Variants in CSMD3 observed in about 807,000 individuals in gnomAD.
The protein encoded by CSMD3 is CUB and sushi domain-containing protein 3.
CSMD3 carries 177 observed loss-of-function variants against 435.2 expected under a neutral mutation model. The observed-to-expected ratio is 0.41, with a 90% CI of 0.36 to 0.46. CSMD3 has a LOEUF of 0.46. Among genes scored for constraint, CSMD3 ranks in the 20% least tolerant of loss-of-function variants. The probability of loss-of-function intolerance (pLI) is 0.34; values close to 1 mark genes in which losing one functional copy is unlikely to be tolerated. For missense variants in CSMD3, 4,265 were observed against 4,504.6 expected (o/e 0.95, Z 1.52); for synonymous variants, 1,656 against 1,520.5 (o/e 1.09, Z -2.07).
intron 4 of CSMD3, among the ~76,000 whole-genome samples, chr8:113,133,435 G>T (rs761266905): frequency 5.3e-5 from 8 of 152,102 alleles, no homozygotes; most frequent in Non-Finnish European, 1.0e-4. Flanking sequence ...AATAACAAGT[G>T]TTGGCAAAAA....
intron 15 of CSMD3, among the ~76,000 whole-genome samples, 157 bp from the exon 16 acceptor site, chr8:112,682,793 G>C (rs2075930598): frequency 6.6e-6 from 1 of 152,144 alleles, no homozygotes; most frequent in Admixed American, 6.5e-5. Context: ...AAATTTGGAG[G>C]TTCTCCTCTG....
rs940979381 is a variant in CSMD3 at position 112,224,025 on chromosome 8, A to G, written c.*746T>C. The G allele has an allele frequency of 6.6e-6, 1 of 152,182 alleles. No homozygotes were observed. Among genetic ancestry groups the G allele is most frequent in the Non-Finnish European group, 1.5e-5 (1 of 68,020 alleles). 9.4% of individuals were successfully genotyped at this position (152,182 alleles called of 1,614,324 possible). On this transcript the variant is annotated 3_prime_UTR_variant, in exon 71 of 71. Coordinates refer to ENST00000297405, the MANE Select transcript of CSMD3 (RefSeq NM_198123.2). ...AAATAGGAAAAAACCATATTGAAGCAAGGAGTGAAACACTACCCCATAGCT... is the reference window on the plus strand; with the variant it reads ...AAATAGGAAAAAACCATATTGAAGCGAGGAGTGAAACACTACCCCATAGCT...
At chr8:113,409,141 T>C (rs771911858) in intron 1 of CSMD3, among the ~76,000 whole-genome samples, 26 of 141,140 alleles carry the variant, frequency 1.8e-4, no homozygotes, top group Non-Finnish European at 2.4e-4. Context: ...TGGAGTGCAG[T>C]GGTGGGATCT....
rs542611592 is a variant in CSMD3, at chr8:112,429,434, G to GAT, written c.5396-20404_5396-20403dup. ...TGGCATTGGGGACACAAGCAAAAAA[G>GAT]ATATATATATATAGTTCAAGGTTTC... is the stretch of plus-strand genomic sequence containing the variant. On this transcript the variant is annotated intron_variant, in intron 32 of 70. Transcript: ENST00000297405. Among the ~76,000 whole-genome samples the GAT allele has an allele frequency of 2.0e-3, 310 of 151,530 alleles. 6 individuals carry two copies. The East Asian group carries it at 0.042, about 20-fold the overall frequency.
chr8:112,272,978 A>G (rs1488077443), intron 59 of CSMD3, among the ~76,000 whole-genome samples: 3 of 152,190 alleles, frequency 2.0e-5, no homozygotes, highest in Admixed American at 6.5e-5. Context: ...ATAGCAATTC[A>G]TTGTTGAAAA....
chr8:112,442,941 T>A (rs866859124), intron 32 of CSMD3, among the ~76,000 whole-genome samples: 1 of 152,324 alleles, frequency 6.6e-6, no homozygotes, highest in South Asian at 2.1e-4. Flanking sequence ...GGAACTGTTA[T>A]ACAAGAGAAA....
chr8:112,969,667 A>T (rs968111424), intron 7 of CSMD3, among the ~76,000 whole-genome samples: 1 of 152,034 alleles, frequency 6.6e-6, no homozygotes, highest in Non-Finnish European at 1.5e-5. Context: ...CCAATAAAAA[A>T]TAATAATTAT....
intron 4 of CSMD3, among the ~76,000 whole-genome samples, chr8:113,162,551 G>T (rs892270371): frequency 7.1e-6 from 1 of 140,348 alleles, no homozygotes; most frequent in African/African-American, 2.7e-5. Context: ...GGCAACAAGA[G>T]TGAAACTCCG....
intron 13 of CSMD3, among the ~76,000 whole-genome samples, chr8:112,711,339 G>A (rs917713160): frequency 5.9e-5 from 9 of 151,894 alleles, no homozygotes; most frequent in Non-Finnish European, 1.2e-4. Flanking sequence ...TTAAACAAGC[G>A]CATTGCGATT....
At chr8:112,331,108 T>G (rs1382354912) in intron 45 of CSMD3, among the ~76,000 whole-genome samples, 3 of 152,060 alleles carry the variant, frequency 2.0e-5, no homozygotes, top group Non-Finnish European at 4.4e-5. Context: ...GCTCAGCATA[T>G]TAAATTTTCA....
At chr8:112,820,308 C>T (rs1338589257) in intron 12 of CSMD3, among the ~76,000 whole-genome samples, 10 of 152,060 alleles carry the variant, frequency 6.6e-5, no homozygotes, top group Admixed American at 1.3e-4. Context: ...GCTTGGTATG[C>T]TTACCCAGAA....
intron 12 of CSMD3, among the ~76,000 whole-genome samples, chr8:112,808,085 T>C (rs2079135602): frequency 6.6e-6 from 1 of 152,168 alleles, no homozygotes; most frequent in Non-Finnish European, 1.5e-5. Context: ...AAGAATTATT[T>C]ACAGTCTATT....
intron 59 of CSMD3, among the ~76,000 whole-genome samples, chr8:112,266,771 A>G (rs1586592860): frequency 6.6e-6 from 1 of 152,200 alleles, no homozygotes; most frequent in East Asian, 1.9e-4. Flanking sequence ...AAACACTACA[A>G]AGATTATATA....
At chr8:112,628,471 G>T (rs1483771494) in intron 22 of CSMD3, among the ~76,000 whole-genome samples, 2 of 152,052 alleles carry the variant, frequency 1.3e-5, no homozygotes, top group Admixed American at 6.6e-5. Context: ...CACAGCAAAT[G>T]CATTATAGAC....
chr8:112,458,603 AGCGTTCTAGGCAAAAGGCCAAGACT>A (rs1421705104), intron 32 of CSMD3, among the ~76,000 whole-genome samples: 2 of 152,120 alleles, frequency 1.3e-5, no homozygotes, highest in Non-Finnish European at 2.9e-5. Context: ...ACCAACATGA[AGCGTTCTAGGCAAAAGGCCAAGACT>A]GCCAAGCTTG....
In CSMD3 at chr8:112,265,476, T is replaced by C. The variant is rs61759499; in HGVS notation, c.9623A>G (p.Asn3208Ser). ...TGTACAAGTCCTGATTCTGGAGCCATTCAATTCCATCGTGTAGCCTGGCTG... is the reference window on the plus strand; with the variant it reads ...TGTACAAGTCCTGATTCTGGAGCCACTCAATTCCATCGTGTAGCCTGGCTG... Reference protein sequence around the residue: ...MCQPGYTMELNGSRIRTCTIN... With the variant: ...MCQPGYTMELSGSRIRTCTIN... Residue 3208 changes from asparagine to serine, a missense_variant, in exon 60 of 71, where the codon AAT becomes AGT. This residue lies in a region of CSMD3 where 3,255 missense variants were observed against 3,380.2 expected (regional missense o/e 0.96). Coordinates refer to ENST00000297405, the MANE Select transcript of CSMD3 (RefSeq NM_198123.2). 6.2e-7 allele frequency: 1 copy of C among 1,613,602 alleles called. No individual in the cohort carries two copies. Among genetic ancestry groups the C allele is most frequent in the African/African-American group, 1.3e-5 (1 of 74,900 alleles).
intron 5 of CSMD3, among the ~76,000 whole-genome samples, chr8:113,028,814 C>G (rs1335183653): frequency 6.6e-6 from 1 of 151,530 alleles, no homozygotes; most frequent in Non-Finnish European, 1.5e-5. Context: ...GAAAAGAAGA[C>G]ATCTTCATAA....
intron 38 of CSMD3, 61 bp downstream of exon 38, chr8:112,380,290 TA>T: frequency 1.1e-6 from 1 of 903,348 alleles, no homozygotes; most frequent in South Asian, 1.4e-5. Context: ...TCAACAAAAA[TA>T]TTTTTAATTA....
chr8:112,903,952 T>C (rs1316574395), intron 10 of CSMD3, among the ~76,000 whole-genome samples: 1 of 151,362 alleles, frequency 6.6e-6, no homozygotes, highest in Admixed American at 6.6e-5. Context: ...TAAAACTGAA[T>C]TGGGAAACTC....
Sources: allele counts gnomAD v4.1 joint callset (sites outside exome capture counted in the v4.1 genomes callset), GRCh38; gene constraint gnomAD v4.1.1; regional missense constraint gnomAD v4.1.1; transcripts MANE v1.5; gene names NCBI Gene and HGNC (gene_info 2026-07-23, HGNC 2026-07-21).